GRM7: variants seen among roughly 807,000 people sequenced by gnomAD.
GRM7 encodes the protein metabotropic glutamate receptor 7.
GRM7 carries 35 observed loss-of-function variants against 84.5 expected under a neutral mutation model. That is an observed-to-expected ratio of 0.41 (90% CI 0.32 to 0.55). GRM7 has a LOEUF of 0.55. Ranked by LOEUF, GRM7 falls within the 20% of genes least tolerant of loss-of-function variation. The pLI is 0.19. For synonymous variants in GRM7, 487 were observed against 455.1 expected (o/e 1.07, Z -0.89); for missense variants, 1,003 against 1,194.6 (o/e 0.84, Z 2.36).
chr3:7,534,624 T>G (rs1422273656), intron 7 of GRM7, among the ~76,000 whole-genome samples: 1 of 152,058 alleles, frequency 6.6e-6, no homozygotes, highest in Non-Finnish European at 1.5e-5. Context: ...CTTTAAAGTG[T>G]GAGTTAAATT....
chr3:7,586,697 A>C (rs2125059757), intron 8 of GRM7, among the ~76,000 whole-genome samples: 2 of 152,232 alleles, frequency 1.3e-5, no homozygotes, highest in South Asian at 4.1e-4. Context: ...AAACCCAGCT[A>C]CTTGGGAGGT....
intron 1 of GRM7, among the ~76,000 whole-genome samples, chr3:7,144,344 T>C (rs976585406): frequency 6.6e-6 from 1 of 152,196 alleles, no homozygotes; most frequent in African/African-American, 2.4e-5. Context: ...TCAGAGTATT[T>C]GCTGACAATT....
intron 1 of GRM7, among the ~76,000 whole-genome samples, chr3:7,078,367 G>A (rs754082335): frequency 2.0e-4 from 30 of 152,214 alleles, no homozygotes; most frequent in South Asian, 1.4e-3. Flanking sequence ...GGGTATTTGC[G>A]TATCATAGTT....
At chr3:7,011,139 G>T (rs1158984754) in intron 1 of GRM7, among the ~76,000 whole-genome samples, 2 of 151,978 alleles carry the variant, frequency 1.3e-5, no homozygotes, top group African/African-American at 4.8e-5. Context: ...AAATAATGGG[G>T]GACAGGGGAC....
At chr3:7,326,006 C>T (rs1312131872) in intron 4 of GRM7, among the ~76,000 whole-genome samples, 1 of 151,946 alleles carries the variant, frequency 6.6e-6, no homozygotes, top group African/African-American at 2.4e-5. Flanking sequence ...AAAAATAAAT[C>T]CAACTTGTCT....
At chr3:7,708,200 G>A (rs181629357) in intron 9 of GRM7, among the ~76,000 whole-genome samples, 1 of 151,624 alleles carries the variant, frequency 6.6e-6, no homozygotes, top group East Asian at 1.9e-4. Context: ...GCTTTGTGAG[G>A]TTTTTGTCTC....
intron 2 of GRM7, among the ~76,000 whole-genome samples, chr3:7,236,614 T>C (rs1480013868): frequency 6.6e-6 from 1 of 152,202 alleles, no homozygotes; most frequent in Non-Finnish European, 1.5e-5. Flanking sequence ...TTTTATTTTC[T>C]GTCTTTGAAT....
At chr3:6,970,376 T>A (rs865911615) in intron 1 of GRM7, among the ~76,000 whole-genome samples, 1 of 152,378 alleles carries the variant, frequency 6.6e-6, no homozygotes, top group Middle Eastern at 3.4e-3. Flanking sequence ...TTTAAATGGT[T>A]CAGGAAGAAA....
chr3:7,349,281 G>A (rs1234546651), intron 4 of GRM7, among the ~76,000 whole-genome samples: 1 of 152,044 alleles, frequency 6.6e-6, no homozygotes, highest in Non-Finnish European at 1.5e-5. Context: ...TATTCATTAA[G>A]AGACTGGCCA....
At chr3:7,064,469 T>TATATATATATATATATATATATAC (rs1697557688) in intron 1 of GRM7, among the ~76,000 whole-genome samples, 1 of 82,190 alleles carries the variant, frequency 1.2e-5, no homozygotes, top group Non-Finnish European at 2.3e-5. Flanking sequence ...TATACATATA[T>TATATATATATATATATATATATAC]ATATATATAT....
chr3:7,470,719 A>C (rs1305966060), intron 7 of GRM7, among the ~76,000 whole-genome samples: 1 of 152,186 alleles, frequency 6.6e-6, no homozygotes. Flanking sequence ...CAAAATATAT[A>C]TGAAAAAAGA....
chr3:7,488,653 A>G (rs956213128), intron 7 of GRM7, among the ~76,000 whole-genome samples: 1 of 152,190 alleles, frequency 6.6e-6, no homozygotes, highest in African/African-American at 2.4e-5. Flanking sequence ...CTGGTGTGTT[A>G]CTTCTTAGAC....
intron 1 of GRM7, among the ~76,000 whole-genome samples, chr3:6,975,626 T>C (rs1693958934): frequency 6.6e-6 from 1 of 152,214 alleles, no homozygotes; most frequent in African/African-American, 2.4e-5. Flanking sequence ...AATGCTTACC[T>C]TTATTTTATA....
At chr3:7,222,088 C>T (rs929359031) in intron 2 of GRM7, among the ~76,000 whole-genome samples, 4 of 151,932 alleles carry the variant, frequency 2.6e-5, no homozygotes, top group Non-Finnish European at 5.9e-5. Context: ...GGATTACAGG[C>T]GCGAGCCCCC....
chr3:7,271,562 TA>T (rs71063298), intron 2 of GRM7, among the ~76,000 whole-genome samples: 65,905 of 89,024 alleles, frequency 0.74, 23,817 homozygotes, highest in East Asian at 0.9. Context: ...CCGCCTCAAA[TA>T]AAAAAAAAAA....
intron 7 of GRM7, among the ~76,000 whole-genome samples, chr3:7,498,480 G>A (rs1460901112): frequency 6.6e-6 from 1 of 152,188 alleles, no homozygotes; most frequent in African/African-American, 2.4e-5. Context: ...AAATACCTTA[G>A]TTTAGCTCTT....
chr3:7,168,815 C>T (rs1472559249), intron 2 of GRM7, among the ~76,000 whole-genome samples: 8 of 152,046 alleles, frequency 5.3e-5, no homozygotes, highest in Admixed American at 3.9e-4. Flanking sequence ...AAGGTAATGG[C>T]CAACTTCTCT....
At position 7,329,505 on chromosome 3, in the gene GRM7, G is replaced by A. The variant is rs189194787; in HGVS notation, c.1033+22853G>A. On this transcript the variant is annotated intron_variant, in intron 4 of 9. Transcript: ENST00000357716. The stretch of plus-strand genomic sequence containing the variant: ...GATGGGCTGCACTTCTCCTTGCCCT[G>A]CTTTGAGGAGTTGAGACTCAGCCTT... Among the ~76,000 whole-genome samples the A allele has an allele frequency of 2.8e-3, 430 of 152,266 alleles. 5 individuals carry two copies. The highest frequency in any genetic ancestry group is 3.9e-3 in the Non-Finnish European group (265 of 68,010).
At chr3:7,153,254 T>G (rs1264998250) in intron 2 of GRM7, among the ~76,000 whole-genome samples, 4 of 151,662 alleles carry the variant, frequency 2.6e-5, no homozygotes, top group Non-Finnish European at 5.9e-5. Context: ...CCTCATAACT[T>G]AAATTATTTT....
Sources: gnomAD v4.1 joint callset for allele counts (sites outside exome capture counted in the v4.1 genomes callset) on GRCh38, gnomAD v4.1.1 for gene constraint, MANE v1.5 for transcripts, NCBI Gene and HGNC (gene_info 2026-07-23, HGNC 2026-07-21) for gene names.